FOXP1: variants seen among roughly 807,000 people sequenced by gnomAD.
The protein encoded by FOXP1 is forkhead box protein P1.
In FOXP1, 15 loss-of-function variants were observed where a neutral mutation model predicts 98.2. The observed-to-expected ratio is 0.15, with a 90% CI of 0.10 to 0.24. The LOEUF is 0.24. FOXP1 is among the 10% of genes least tolerant of loss of function. FOXP1 has a pLI of 1.00. For missense variants in FOXP1, 633 were observed against 848.5 expected (o/e 0.75, Z 3.15); for synonymous variants, 371 against 314.5 (o/e 1.18, Z -1.90).
chr3:71,498,876 G>A (rs968605926), intron 2 of FOXP1, among the ~76,000 whole-genome samples: 5 of 152,110 alleles, frequency 3.3e-5, no homozygotes, highest in African/African-American at 7.2e-5. Context: ...CTACTGATCC[G>A]GGCACCATCC....
At chr3:71,430,164 C>T (rs1213163142) in intron 3 of FOXP1, among the ~76,000 whole-genome samples, 1 of 152,128 alleles carries the variant, frequency 6.6e-6, no homozygotes, top group Non-Finnish European at 1.5e-5. Context: ...TCCCTCCTGA[C>T]CATACCCCAA....
chr3:70,976,864 C>T (rs2037673796), intron 17 of FOXP1, 77 bp downstream of exon 17: 1 of 1,047,430 alleles, frequency 9.5e-7, no homozygotes, highest in East Asian at 2.4e-5. Flanking sequence ...TTCCTTATAG[C>T]ACAACTGCAT....
chr3:71,450,931 A>G (rs1486746832), intron 3 of FOXP1, among the ~76,000 whole-genome samples: 1 of 152,202 alleles, frequency 6.6e-6, no homozygotes. Flanking sequence ...AAAGCCTCAC[A>G]TGAATAAAAC....
chr3:71,475,229 T>G (rs1454987366), intron 3 of FOXP1, among the ~76,000 whole-genome samples: 4 of 152,074 alleles, frequency 2.6e-5, no homozygotes, highest in Non-Finnish European at 5.9e-5. Flanking sequence ...TAATTTCCTA[T>G]CATGTGCAAG....
At position 71,279,192 on chromosome 3, in the gene FOXP1, A is replaced by AAAAAAAC. The variant is rs368277709; in HGVS notation, c.-12+20627_-12+20628insGTTTTTT. Among the ~76,000 whole-genome samples, 458 of 139,380 alleles carry AAAAAAAC rather than the reference A, an allele frequency of 3.3e-3. 15 individuals are homozygous for AAAAAAAC. The highest frequency in any genetic ancestry group is 9.3e-3 in the African/African-American group (355 of 38,178). The allele number at this position is 139,380 out of a possible 152,430, so 91.4% of individuals were successfully genotyped here. A position where few individuals can be genotyped will look rare whatever the true frequency, so the allele number is the denominator to read the frequency against. On this transcript the variant is annotated intron_variant, in intron 5 of 20. Coordinates refer to ENST00000649528, the MANE Select transcript of FOXP1 (RefSeq NM_001349338.3). The stretch of plus-strand genomic sequence containing the variant: ...CATCTCAAAAAAAAAAAAAAAAAAA[A>AAAAAAAC]AGAAAGAAATAGGAATTGATACCAT...
intron 3 of FOXP1, among the ~76,000 whole-genome samples, chr3:71,414,676 G>A (rs930506107): frequency 2.0e-5 from 3 of 152,218 alleles, no homozygotes; most frequent in Non-Finnish European, 4.4e-5. Flanking sequence ...GAGAGGGCAC[G>A]AGGAGGACAA....
At chr3:71,317,544 GA>G (rs2075148041) in intron 4 of FOXP1, among the ~76,000 whole-genome samples, 1 of 152,124 alleles carries the variant, frequency 6.6e-6, no homozygotes. Flanking sequence ...TTCCTTTTGG[GA>G]AAGCAATTTG....
At chr3:70,966,595 TTC>T (rs1559581863) in intron 19 of FOXP1, among the ~76,000 whole-genome samples, 1 of 152,140 alleles carries the variant, frequency 6.6e-6, no homozygotes, top group Non-Finnish European at 1.5e-5. Context: ...CTCCCATCAT[TTC>T]TGTTTTAATG....
In FOXP1 at chr3:71,540,994, T is replaced by C. The variant is rs539378600; in HGVS notation, c.-298+40555A>G. On this transcript the variant is annotated intron_variant, in intron 2 of 20. Transcript: ENST00000649528. ...TTAAAACCCCACAAACCATGAAGCC[T>C]GAGATTCCATTGTTTCCTGCAGCCA... Among the ~76,000 whole-genome samples the C allele has an allele frequency of 5.9e-5, 9 of 152,340 alleles. No homozygotes were observed. The East Asian group carries it at 1.7e-3, about 29-fold the overall frequency.
chr3:71,372,107 G>A (rs930533022), intron 3 of FOXP1, among the ~76,000 whole-genome samples: 4 of 151,724 alleles, frequency 2.6e-5, no homozygotes, highest in Non-Finnish European at 4.4e-5. Context: ...CGGCCTCCAG[G>A]GTTCAAGCGA....
chr3:71,317,730 C>T (rs1057501576), intron 4 of FOXP1, among the ~76,000 whole-genome samples: 1 of 151,714 alleles, frequency 6.6e-6, no homozygotes, highest in Admixed American at 6.6e-5. Context: ...GGTACCTGTC[C>T]CCCCCACACA....
intron 4 of FOXP1, among the ~76,000 whole-genome samples, chr3:71,341,697 T>G (rs2077018018): frequency 6.6e-6 from 1 of 152,178 alleles, no homozygotes; most frequent in African/African-American, 2.4e-5. Context: ...AGACTCCGTC[T>G]CAAAAGAAAA....
intron 3 of FOXP1, among the ~76,000 whole-genome samples, chr3:71,397,885 G>A (rs188029279): frequency 2.6e-5 from 4 of 152,166 alleles, no homozygotes; most frequent in East Asian, 1.9e-4. Flanking sequence ...ACTGTTCTCC[G>A]TATAACATTT....
rs188928341 is a variant in FOXP1, at chr3:71,106,549, C to T, written c.282+5987G>A. Among the ~76,000 whole-genome samples, 1,013 of 152,094 alleles carry T rather than the reference C, an allele frequency of 6.7e-3. 8 individuals carry two copies. The highest frequency in any genetic ancestry group is 0.011 in the Non-Finnish European group (734 of 68,016). On this transcript the variant is annotated intron_variant, in intron 7 of 20. Coordinates refer to ENST00000649528, the MANE Select transcript of FOXP1 (RefSeq NM_001349338.3). ...CCTTGTTGGCCAGGCTGGTCTTGAA[C>T]ACCTGACCTTGTGATCCGCTCGCCT...
At chr3:71,442,888 T>C (rs554626575) in intron 3 of FOXP1, among the ~76,000 whole-genome samples, 1 of 82,572 alleles carries the variant, frequency 1.2e-5, no homozygotes, top group African/African-American at 3.8e-5. Context: ...CTTTTTTTAT[T>C]TTTTTTTTAT....
intron 6 of FOXP1, among the ~76,000 whole-genome samples, chr3:71,135,255 C>CAAA (rs11285510): frequency 6.8e-4 from 52 of 76,232 alleles, no homozygotes; most frequent in African/African-American, 1.2e-3. Flanking sequence ...GCCTCCGTCT[C>CAAA]AAAAAAAAAA....
intron 6 of FOXP1, among the ~76,000 whole-genome samples, chr3:71,149,528 T>C (rs1381176511): frequency 2.0e-5 from 3 of 152,230 alleles, no homozygotes; most frequent in Non-Finnish European, 4.4e-5. Context: ...GCATATTCTT[T>C]TTTATGTATC....
At chr3:71,421,631 G>C (rs555543600) in intron 3 of FOXP1, among the ~76,000 whole-genome samples, 6 of 152,272 alleles carry the variant, frequency 3.9e-5, no homozygotes, top group African/African-American at 1.4e-4. Context: ...ACTCAGGACA[G>C]AGACACCTGC....
At chr3:70,970,894 T>C in intron 18 of FOXP1, 89 bp from the exon 19 acceptor site, 2 of 1,008,388 alleles carry the variant, frequency 2.0e-6, no homozygotes, top group Non-Finnish European at 3.2e-6. Context: ...GCTGGTGCCC[T>C]TCCAAATGAG....
Sources: allele counts gnomAD v4.1 joint callset (sites outside exome capture counted in the v4.1 genomes callset), GRCh38; gene constraint gnomAD v4.1.1; transcripts MANE v1.5; gene names NCBI Gene and HGNC (gene_info 2026-07-23, HGNC 2026-07-21).